Variants in ANKDD1B observed in about 807,000 individuals in gnomAD.
ANKDD1B encodes the protein ankyrin repeat and death domain-containing protein 1B.
Under a neutral mutation model 59.7 loss-of-function variants are expected in ANKDD1B, and 57 were observed. The observed-to-expected ratio is 0.95, with a 90% CI of 0.77 to 1.19. The LOEUF (loss-of-function observed/expected upper bound fraction) is 1.19, where lower values mean the gene tolerates loss of function less well. Among genes scored for constraint, ANKDD1B ranks in the 50% most tolerant of loss-of-function variants. The pLI is 0.00. For missense variants in ANKDD1B, 602 were observed against 641.9 expected, an observed-to-expected ratio of 0.94 and a Z score of 0.67; for synonymous variants, 216 against 239.5, an observed-to-expected ratio of 0.90 and a Z score of 0.91.
chr5:75,668,611 C>A (rs1188428589), intron 12 of ANKDD1B, among the ~76,000 whole-genome samples: 1 of 152,196 alleles, frequency 6.6e-6, no homozygotes, highest in Non-Finnish European at 1.5e-5. Flanking sequence ...GAGCAAGGAG[C>A]CTGTAGTGAA....
At chr5:75,662,824 G>A (rs1216612778) in intron 10 of ANKDD1B, among the ~76,000 whole-genome samples, 3 of 152,078 alleles carry the variant, frequency 2.0e-5, no homozygotes, top group South Asian at 4.1e-4. Flanking sequence ...CTTGGTGAGA[G>A]GCAGTATGGT....
intron 8 of ANKDD1B, among the ~76,000 whole-genome samples, chr5:75,654,407 C>A (rs1561447171): frequency 6.6e-6 from 1 of 152,150 alleles, no homozygotes; most frequent in East Asian, 1.9e-4. Flanking sequence ...AATATGAGAT[C>A]AAATGTCTAG....
intron 5 of ANKDD1B, among the ~76,000 whole-genome samples, chr5:75,629,262 A>G (rs1352165956): frequency 6.7e-6 from 1 of 149,536 alleles, no homozygotes; most frequent in Non-Finnish European, 1.5e-5. Flanking sequence ...TATTTAACAC[A>G]CTGCTTTTTT....
At chr5:75,635,223 T>A (rs1263522543) in intron 6 of ANKDD1B, 3 of 401,676 alleles carry the variant, frequency 7.5e-6, no homozygotes, top group African/African-American at 2.0e-5. Context: ...GTTTGTGAAG[T>A]CGATAGACCA....
At chr5:75,653,994 T>C (rs547206693) in intron 8 of ANKDD1B, among the ~76,000 whole-genome samples, 9 of 152,362 alleles carry the variant, frequency 5.9e-5, no homozygotes, top group African/African-American at 2.2e-4. Flanking sequence ...GCCCACTTCT[T>C]TGCAATGTGG....
chr5:75,668,002 AT>A (rs1457710950), intron 12 of ANKDD1B, among the ~76,000 whole-genome samples: 2 of 152,162 alleles, frequency 1.3e-5, no homozygotes, highest in African/African-American at 2.4e-5. Context: ...AACTAGAAAA[AT>A]TTTTTTATTG....
chr5:75,624,220 T>C lies in ANKDD1B; in HGVS notation c.397-1427T>C, dbSNP rs566665685. Among the ~76,000 whole-genome samples the C allele has an allele frequency of 4.6e-5, 7 of 152,310 alleles. No individual in the cohort carries two copies. The East Asian group carries it at 5.8e-4, about 13-fold the overall frequency. ...AGTTTGCAGATAAGGAAGCTGAAGC[T>C]GAGAGTTAGAACTAAGTTCACCAAG... is the stretch of plus-strand genomic sequence containing the variant. On this transcript the variant is annotated intron_variant, in intron 3 of 13. Coordinates refer to ENST00000601380, the MANE Select transcript of ANKDD1B (RefSeq NM_001276713.2).
chr5:75,612,229 G>A (rs1773581383), intron 1 of ANKDD1B, among the ~76,000 whole-genome samples: 1 of 151,546 alleles, frequency 6.6e-6, no homozygotes, highest in South Asian at 2.1e-4. Context: ...GCATGGAGTG[G>A]ATCATCTATG....
At chr5:75,648,266 T>A (rs867510206) in intron 7 of ANKDD1B, among the ~76,000 whole-genome samples, 149 of 8,514 alleles carry the variant, frequency 0.018, 4 homozygotes, top group African/African-American at 0.031. Context: ...AAAAAAAAAA[T>A]TAAAAAAAAA....
At chr5:75,656,844 G>A (rs975943023) in intron 9 of ANKDD1B, among the ~76,000 whole-genome samples, 3 of 152,196 alleles carry the variant, frequency 2.0e-5, no homozygotes, top group African/African-American at 7.2e-5. Context: ...GTGCCCTTCC[G>A]GCTAGGGAGG....
intron 11 of ANKDD1B, among the ~76,000 whole-genome samples, chr5:75,663,906 C>T (rs562702404): frequency 1.5e-4 from 23 of 152,348 alleles, no homozygotes; most frequent in Non-Finnish European, 2.1e-4. Flanking sequence ...CTTTCAGGCA[C>T]TCAAGTATTC....
Position 75,625,897 on chromosome 5 carries a change from G to T in ANKDD1B, c.542G>T (p.Arg181Leu), listed in dbSNP as rs149209328. 5.9e-6 allele frequency: 9 copies of T among 1,536,190 alleles called. No homozygotes were observed. Among genetic ancestry groups the T allele is most frequent in the Non-Finnish European group, 7.8e-6 (9 of 1,146,884 alleles). The change falls in exon 5 of 14, where the codon CGC (arginine) becomes CTC (leucine). Residue 181 changes from arginine (R) to leucine (L), a missense_variant. Arg to Leu is a moderately radical substitution (Grantham distance 102). Transcript: ENST00000601380. The stretch of plus-strand genomic sequence containing the variant: ...TTTGCCACTCAGAGCAATCATGTGC[G>T]CATCGTGGAGTATCTTATTCAAGAT... ...LHFATQSNHV[R>L]IVEYLIQDLH...
chr5:75,639,202 T>C (rs113998086), intron 7 of ANKDD1B, among the ~76,000 whole-genome samples: 6 of 152,248 alleles, frequency 3.9e-5, no homozygotes, highest in Admixed American at 3.9e-4. Context: ...TTTGTTTGTT[T>C]GTTGGTTTTT....
At chr5:75,659,237 G>A in intron 9 of ANKDD1B, 46 bp from the exon 10 acceptor site, 1 of 1,403,430 alleles carries the variant, frequency 7.1e-7, no homozygotes, top group Non-Finnish European at 9.7e-7. Flanking sequence ...CTTTCCATTT[G>A]TCTTTTCACC....
chr5:75,641,734 A>C (rs1774469847), intron 7 of ANKDD1B, among the ~76,000 whole-genome samples: 1 of 152,244 alleles, frequency 6.6e-6, no homozygotes, highest in African/African-American at 2.4e-5. Flanking sequence ...TAAAGTCCCA[A>C]ACTGGCATGT....
At chr5:75,624,888 A>T (rs1267140531) in intron 3 of ANKDD1B, among the ~76,000 whole-genome samples, 1 of 152,068 alleles carries the variant, frequency 6.6e-6, no homozygotes, top group Non-Finnish European at 1.5e-5. Flanking sequence ...CTTATTTTCC[A>T]TATTTAGCAA....
intron 11 of ANKDD1B, among the ~76,000 whole-genome samples, chr5:75,665,499 T>G (rs368849708): frequency 6.6e-6 from 1 of 151,144 alleles, no homozygotes; most frequent in Non-Finnish European, 1.5e-5. Flanking sequence ...TTGCTGGAGC[T>G]CCCCATCCTC....
chr5:75,638,707 C>T (rs974857714), intron 7 of ANKDD1B, among the ~76,000 whole-genome samples: 1 of 152,074 alleles, frequency 6.6e-6, no homozygotes, highest in African/African-American at 2.4e-5. Flanking sequence ...TGGTCTCAAA[C>T]TCCTGGCTTC....
intron 7 of ANKDD1B, among the ~76,000 whole-genome samples, chr5:75,640,735 G>A (rs984009757): frequency 1.3e-5 from 2 of 152,208 alleles, no homozygotes; most frequent in Non-Finnish European, 2.9e-5. Context: ...CACTCATGCA[G>A]TGGGAAGGAG....
Sources: allele counts gnomAD v4.1 joint callset (sites outside exome capture counted in the v4.1 genomes callset), GRCh38; gene constraint gnomAD v4.1.1; transcripts MANE v1.5; gene names NCBI Gene and HGNC (gene_info 2026-07-23, HGNC 2026-07-21).